The following DOP1B variants were observed in gnomAD, a reference collection of about 807,000 sequenced individuals.
The protein encoded by DOP1B is protein DOP1B.
In DOP1B, 174 loss-of-function variants were observed where a neutral mutation model predicts 233.5. The ratio of observed to expected loss-of-function variants is 0.75; its 90% confidence interval spans 0.66 to 0.85. The LOEUF is 0.85. Ranked by LOEUF, DOP1B falls within the 40% of genes least tolerant of loss-of-function variation. DOP1B has a pLI of 0.00. For missense variants in DOP1B, 2,652 were observed against 2,846.6 expected, an observed-to-expected ratio of 0.93 and a Z score of 1.56; for synonymous variants, 1,190 against 1,185.6, an observed-to-expected ratio of 1.00 and a Z score of -0.08.
chr21:36,250,611 A>G (rs1006256538), intron 21 of DOP1B, among the ~76,000 whole-genome samples: 2 of 152,210 alleles, frequency 1.3e-5, no homozygotes, highest in Non-Finnish European at 2.9e-5. Context: ...GAAATTCATA[A>G]GTAGCAAAAC....
chr21:36,171,056 A>G (rs535596103), intron 2 of DOP1B, among the ~76,000 whole-genome samples: 214 of 152,298 alleles, frequency 1.4e-3, no homozygotes, highest in Middle Eastern at 3.4e-3. Flanking sequence ...GCATTATTGT[A>G]TAATACTTAA....
chr21:36,203,133 T>G (rs1489943214), intron 4 of DOP1B, among the ~76,000 whole-genome samples: 1 of 152,234 alleles, frequency 6.6e-6, no homozygotes, highest in East Asian at 1.9e-4. Flanking sequence ...TGCTTAACAT[T>G]GATTTTTTTT....
At chr21:36,198,040 C>T (rs531393636) in intron 2 of DOP1B, among the ~76,000 whole-genome samples, 2 of 143,884 alleles carry the variant, frequency 1.4e-5, no homozygotes, top group East Asian at 2.1e-4. Context: ...AAAAAAGAAG[C>T]GTGAACTTTT....
At chr21:36,204,047 A>G (rs575893144) in intron 4 of DOP1B, among the ~76,000 whole-genome samples, 1 of 152,328 alleles carries the variant, frequency 6.6e-6, no homozygotes, top group Non-Finnish European at 1.5e-5. Context: ...AGATATTTCC[A>G]TTTAAATCAG....
In DOP1B at chr21:36,172,279, G is replaced by A. The variant is rs57468425; in HGVS notation, c.138+7408G>A. Among the ~76,000 whole-genome samples the A allele has an allele frequency of 5.7e-3, 864 of 152,258 alleles. 7 individuals are homozygous for A. The highest frequency in any genetic ancestry group is 0.02 in the African/African-American group (829 of 41,542). The stretch of plus-strand genomic sequence containing the variant: ...ACCCATTCCAAGAATTCCCCGGGCC[G>A]TCAGCAAGCACAAGAGCCAGTGTGG... On this transcript the variant is annotated intron_variant, in intron 2 of 36. Coordinates refer to ENST00000691173, the MANE Select transcript of DOP1B (RefSeq NM_001320714.2).
rs1489452701 is a variant in DOP1B, at chr21:36,228,468, A to T, written c.1665+591A>T. 6.6e-5 allele frequency among the ~76,000 whole-genome samples: 10 copies of T among 151,812 alleles called. No individual in the cohort carries two copies. In the East Asian group the frequency reaches 1.9e-3, roughly 29 times the overall value. ...GAGCAAGACTCCGTTTCAAAAAAAA[A>T]AATAAATAAAAATAAGGGCTGGGCG... On this transcript the variant is annotated intron_variant, in intron 13 of 36. Transcript: ENST00000691173.
At chr21:36,276,713 T>C (rs2067352811) in intron 27 of DOP1B, among the ~76,000 whole-genome samples, 1 of 151,718 alleles carries the variant, frequency 6.6e-6, no homozygotes, top group Non-Finnish European at 1.5e-5. Context: ...TGGTGGCACA[T>C]GCCTGTAGTC....
At position 36,288,027 on chromosome 21, in the gene DOP1B, C is replaced by A. The variant is rs369681681; in HGVS notation, c.6174C>A (p.Asp2058Glu). Residue 2058 changes from aspartate to glutamate, a missense_variant, in exon 33 of 37, where the codon GAC becomes GAA. This residue lies in a region of DOP1B where 2,617 missense variants were observed against 2,794.3 expected (regional missense o/e 0.94). Transcript: ENST00000691173. ...TTCTTTCCTTAGAACGCCTGACAGA[C>A]AATCTCAGAGTTGGACAGACATCCA... ...YLPLIQERLTDNLRVGQTSIV... is the reference protein window; with the variant it reads ...YLPLIQERLTENLRVGQTSIV... 2 of 1,613,162 alleles carry A rather than the reference C, an allele frequency of 1.2e-6. No homozygotes were observed. The highest frequency in any genetic ancestry group is 2.7e-5 in the African/African-American group (2 of 74,894).
chr21:36,272,240 C>T (rs1268123889), intron 27 of DOP1B, among the ~76,000 whole-genome samples: 2 of 152,186 alleles, frequency 1.3e-5, no homozygotes, highest in Non-Finnish European at 2.9e-5. Context: ...GTAATCCCAG[C>T]ACTTTGGGAG....
chr21:36,188,744 C>T (rs1456327793), intron 2 of DOP1B, among the ~76,000 whole-genome samples: 2 of 152,202 alleles, frequency 1.3e-5, no homozygotes, highest in African/African-American at 2.4e-5. Context: ...ACATTTCTTT[C>T]TAGACAAAGA....
intron 2 of DOP1B, among the ~76,000 whole-genome samples, chr21:36,165,412 G>A (rs2123390620): frequency 6.6e-6 from 1 of 152,230 alleles, no homozygotes; most frequent in Admixed American, 6.5e-5. Flanking sequence ...GTGTGTGCAT[G>A]TGTGTGCATA....
intron 23 of DOP1B, among the ~76,000 whole-genome samples, chr21:36,260,140 A>C (rs1173442945): frequency 7.3e-6 from 1 of 136,532 alleles, no homozygotes; most frequent in East Asian, 2.2e-4. Context: ...TGGGCAACAG[A>C]GCAAGACTCT....
In DOP1B at chr21:36,195,018, C is replaced by A. The variant is rs572935739; in HGVS notation, c.139-4052C>A. On this transcript the variant is annotated intron_variant, in intron 2 of 36. Transcript: ENST00000691173. ...CCCAGGGGTTCGAGGCCAGCCTGAG[C>A]AACATGGCAAAATCCCATCTCTACG... Among the ~76,000 whole-genome samples, 7 of 151,992 alleles carry A rather than the reference C, an allele frequency of 4.6e-5. No homozygotes were observed. The East Asian group carries it at 1.4e-3, about 30-fold the overall frequency.
chr21:36,164,520 G>A (rs1442875015), intron 1 of DOP1B, 188 bp from the exon 2 acceptor site: 5 of 352,750 alleles, frequency 1.4e-5, no homozygotes, highest in South Asian at 6.7e-5. Flanking sequence ...CCACGAGGGC[G>A]GGAACTATTT....
rs533144517 is a variant in DOP1B at position 36,245,317 on chromosome 21, G to A, written c.3337G>A (p.Ala1113Thr). 1.2e-6 allele frequency: 2 copies of A among 1,614,112 alleles called. No homozygotes were observed. The highest frequency in any genetic ancestry group is 2.7e-5 in the African/African-American group (2 of 75,062). ...APDSSEHTES[A>T]DTSSCHTDSE... The stretch of plus-strand genomic sequence containing the variant: ...GGACAGCAGCGAGCACACCGAGTCT[G>A]CAGATACAAGCTCCTGCCACACGGA... Residue 1113 changes from alanine to threonine, a missense_variant, in exon 19 of 37, where the codon GCA becomes ACA. Physicochemically the swap from Ala to Thr is moderately conservative, Grantham distance 58 (BLOSUM62 0). This residue lies in a region of DOP1B where 2,617 missense variants were observed against 2,794.3 expected (regional missense o/e 0.94). Transcript: ENST00000691173. This position sits in a 1 kb window ranked among gnomAD's most constrained non-coding sequence, Gnocchi z 5.5.
At chr21:36,192,366 A>C (rs1255143265) in intron 2 of DOP1B, among the ~76,000 whole-genome samples, 2 of 151,436 alleles carry the variant, frequency 1.3e-5, no homozygotes, top group Non-Finnish European at 2.9e-5. Flanking sequence ...CAAAAAAAAA[A>C]AACTACCAAA....
chr21:36,207,335 C>T (rs1934884375), intron 4 of DOP1B, among the ~76,000 whole-genome samples: 1 of 151,938 alleles, frequency 6.6e-6, no homozygotes, highest in African/African-American at 2.4e-5. Context: ...TAGGCACCTG[C>T]CATCATGCCT....
intron 15 of DOP1B, among the ~76,000 whole-genome samples, chr21:36,233,877 G>A (rs1012704381): frequency 9.2e-5 from 14 of 151,960 alleles, no homozygotes; most frequent in South Asian, 8.3e-4. Flanking sequence ...TTGTTGAGAC[G>A]GAGTCCCGCT....
At chr21:36,173,733 A>G (rs1321103597) in intron 2 of DOP1B, among the ~76,000 whole-genome samples, 1 of 152,046 alleles carries the variant, frequency 6.6e-6, no homozygotes, top group Non-Finnish European at 1.5e-5. Flanking sequence ...CAAGAAAAAC[A>G]TTTTCATCAA....
Sources: gnomAD v4.1 joint callset for allele counts (sites outside exome capture counted in the v4.1 genomes callset) on GRCh38, gnomAD v4.1.1 for gene constraint, gnomAD v4.1.1 regional missense constraint, Gnocchi (gnomAD v3.1) non-coding constraint, MANE v1.5 for transcripts, NCBI Gene and HGNC (gene_info 2026-07-23, HGNC 2026-07-21) for gene names.